The following FAM161A variants were observed in gnomAD, a reference collection of about 807,000 sequenced individuals.
The protein encoded by FAM161A is FAM161 centrosomal protein A.
In FAM161A, 57 loss-of-function variants were observed where a neutral mutation model predicts 70.9. The ratio of observed to expected loss-of-function variants is 0.80; its 90% CI spans 0.65 to 1.00. The LOEUF (loss-of-function observed/expected upper bound fraction) is 1.00. Among genes scored for constraint, FAM161A ranks in the 50% least tolerant of loss-of-function variants. The pLI is 0.00. For missense variants in FAM161A, 880 were observed against 836.0 expected (o/e 1.05, Z -0.65); for synonymous variants, 299 against 295.7 (o/e 1.01, Z -0.12).
At chr2:61,803,932 A>G in the FAM161A span, among the ~76,000 whole-genome samples, 1 of 152,232 alleles carries the variant, frequency 6.6e-6, no homozygotes, top group South Asian at 2.1e-4. Context: ...ATCTTGCCCA[A>G]GAAAGAATTC....
the FAM161A span, among the ~76,000 whole-genome samples, chr2:61,819,716 T>C: frequency 6.6e-6 from 1 of 152,298 alleles, no homozygotes; most frequent in South Asian, 2.1e-4. Flanking sequence ...AACCACACAC[T>C]CTTGGCATGG....
chr2:61,844,408 T>C (rs986377029), intron 1 of FAM161A, among the ~76,000 whole-genome samples: 6 of 151,534 alleles, frequency 4.0e-5, no homozygotes, highest in Admixed American at 1.3e-4. Flanking sequence ...TTTTAAACTC[T>C]ACCTTTGAGG....
At chr2:61,822,439 G>C (rs1672221953), downstream of FAM161A, among the ~76,000 whole-genome samples, 1 of 152,112 alleles carries the variant, frequency 6.6e-6, no homozygotes, top group African/African-American at 2.4e-5. Flanking sequence ...TAATATTATA[G>C]TCTAAATATT....
chr2:61,839,540 C>A lies in FAM161A; in HGVS notation c.1464G>T (p.Trp488Cys), dbSNP rs761440783. 8 of 1,614,058 alleles carry A rather than the reference C, an allele frequency of 5.0e-6. No homozygotes were observed. The South Asian group carries it at 6.6e-5, about 13-fold the overall frequency. The change falls in exon 3 of 7, where the codon TGG (tryptophan) becomes TGT (cysteine). Residue 488 changes from tryptophan (W) to cysteine (C), a missense_variant. By Grantham distance (215) the Trp-to-Cys change is radical. Coordinates refer to ENST00000404929, the MANE Select transcript of FAM161A (RefSeq NM_001201543.2). The part of the protein sequence containing the change: ...ADEENLKETR[W>C]PYLSPRRKSP... Reference sequence around the variant, plus strand: ...ACTTACGCCTTGGAGACAAATAAGGCCAACGTGTTTCTTTTAAATTTTCTT... The same window carrying A: ...ACTTACGCCTTGGAGACAAATAAGGACAACGTGTTTCTTTTAAATTTTCTT...
Position 61,825,293 on chromosome 2 carries a change from A to G in FAM161A, c.*1162T>C, listed in dbSNP as rs1342939836. ...AGAGATAAAGTGTGTTGGCAATAATATGTAAAAAGTTGAACACAACTGGGT... is the reference window on the plus strand; with the variant it reads ...AGAGATAAAGTGTGTTGGCAATAATGTGTAAAAAGTTGAACACAACTGGGT... On this transcript the variant is annotated 3_prime_UTR_variant, in exon 7 of 7. Transcript: ENST00000404929. 1 of 454,246 alleles carries G rather than the reference A, an allele frequency of 2.2e-6. No individual in the cohort carries two copies. The highest frequency in any genetic ancestry group is 4.4e-6 in the Non-Finnish European group (1 of 226,788). The allele number at this position is 454,246 out of a possible 1,614,324, so 28.1% of individuals were successfully genotyped here.
the FAM161A span, among the ~76,000 whole-genome samples, chr2:61,809,628 T>G: frequency 1.3e-5 from 2 of 152,168 alleles, no homozygotes; most frequent in Non-Finnish European, 2.9e-5. Flanking sequence ...ATGGGTAGGT[T>G]GTTTGCAAAG....
chr2:61,813,262 C>T, the FAM161A span, among the ~76,000 whole-genome samples: 1 of 151,846 alleles, frequency 6.6e-6, no homozygotes, highest in Non-Finnish European at 1.5e-5. Flanking sequence ...ATAGAGAGAC[C>T]TTATCTCTAC....
At chr2:61,852,327 C>T (rs769500673) in intron 1 of FAM161A, among the ~76,000 whole-genome samples, 2 of 152,216 alleles carry the variant, frequency 1.3e-5, no homozygotes, top group Non-Finnish European at 2.9e-5. Context: ...GACTCCTTTA[C>T]CACAGCAAGC....
intron 5 of FAM161A, among the ~76,000 whole-genome samples, chr2:61,832,242 C>CAAAAAAAAAAAAAA (rs752145480): frequency 7.3e-6 from 1 of 137,312 alleles, no homozygotes. Flanking sequence ...GACCCTGTCA[C>CAAAAAAAAAAAAAA]ACACACACAA....
chr2:61,832,805 A>G (rs893525946), intron 5 of FAM161A, among the ~76,000 whole-genome samples: 2 of 152,158 alleles, frequency 1.3e-5, no homozygotes, highest in Admixed American at 1.3e-4. Flanking sequence ...GAAATGATCC[A>G]TTTCCCGATC....
the FAM161A span, among the ~76,000 whole-genome samples, chr2:61,807,633 A>AT: frequency 0.034 from 3,823 of 113,284 alleles, 159 homozygotes; most frequent in African/African-American, 0.081. Context: ...TGGACTCCAG[A>AT]TTTTTTTTTT....
At chr2:61,819,434 G>T in the FAM161A span, among the ~76,000 whole-genome samples, 1 of 152,210 alleles carries the variant, frequency 6.6e-6, no homozygotes, top group Non-Finnish European at 1.5e-5. Context: ...CTACACTCCA[G>T]CCTGGGTGAC....
the FAM161A span, chr2:61,803,381 C>G: frequency 2.5e-4 from 172 of 697,990 alleles, no homozygotes; most frequent in Non-Finnish European, 3.8e-4. Context: ...AAAAAGACCT[C>G]AAGAAAGCAA....
chr2:61,812,755 C>T, the FAM161A span, among the ~76,000 whole-genome samples: 2 of 151,010 alleles, frequency 1.3e-5, no homozygotes, highest in Non-Finnish European at 3.0e-5. Flanking sequence ...AAAACAACAA[C>T]AACAAACATT....
rs1416250891 is a variant in FAM161A, at chr2:61,842,339, A to C, written c.205T>G (p.Ser69Ala). 6.4e-7 allele frequency: 1 copy of C among 1,568,954 alleles called. No individual in the cohort carries two copies. The highest frequency in any genetic ancestry group is 8.7e-7 in the Non-Finnish European group (1 of 1,155,656). Residue 69 changes from serine (S) to alanine (A), a missense_variant, in exon 2 of 7, where the codon TCT becomes GCT. Ser to Ala is a moderately conservative substitution (Grantham distance 99). Coordinates refer to ENST00000404929, the MANE Select transcript of FAM161A (RefSeq NM_001201543.2). ...ATCGGTGCATGTTCATCCACCCCAG[A>C]AAAGCTGGTGTTCAAATCAGCCTGG... The part of the protein sequence containing the change: ...GASADLNTSF[S>A]GVDEHAPISY...
chr2:61,836,201 G>T, intron 4 of FAM161A, 92 bp from the exon 5 acceptor site: 1 of 931,446 alleles, frequency 1.1e-6, no homozygotes, highest in Non-Finnish European at 1.7e-6. Flanking sequence ...CTTGTACAAA[G>T]TCAATGAAAA....
At chr2:61,853,332 C>G (rs903511011) in intron 1 of FAM161A, among the ~76,000 whole-genome samples, 1 of 152,158 alleles carries the variant, frequency 6.6e-6, no homozygotes, top group Non-Finnish European at 1.5e-5. Flanking sequence ...TCGCTGTACC[C>G]TAAAGAGCTG....
the FAM161A span, among the ~76,000 whole-genome samples, chr2:61,801,803 C>T: frequency 1.1e-3 from 171 of 151,998 alleles, 1 homozygote; most frequent in East Asian, 0.024. Context: ...TCAGGTGATC[C>T]GCCTGCCTCA....
chr2:61,847,440 A>G (rs1331431079), intron 1 of FAM161A, among the ~76,000 whole-genome samples: 1 of 152,050 alleles, frequency 6.6e-6, no homozygotes, highest in African/African-American at 2.4e-5. Flanking sequence ...TTGATTGTGT[A>G]TTATATGCCT....
Sources: allele counts gnomAD v4.1 joint callset (sites outside exome capture counted in the v4.1 genomes callset), GRCh38; gene constraint gnomAD v4.1.1; transcripts MANE v1.5; gene names NCBI Gene and HGNC (gene_info 2026-07-23, HGNC 2026-07-21).